FRMD6: variants seen among roughly 807,000 people sequenced by gnomAD.
The protein encoded by FRMD6 is FERM domain-containing protein 6.
A neutral mutation model predicts 73.2 loss-of-function variants in FRMD6; 37 were observed. The ratio of observed to expected loss-of-function variants is 0.51; its 90% confidence interval spans 0.39 to 0.66. The LOEUF (loss-of-function observed/expected upper bound fraction) is 0.66. FRMD6 is among the 30% of genes least tolerant of loss of function. The pLI is 0.00. For missense variants in FRMD6, 714 were observed against 780.5 expected (o/e 0.91, Z 1.02); for synonymous variants, 273 against 282.2 (o/e 0.97, Z 0.33).
the FRMD6 span, among the ~76,000 whole-genome samples, chr14:51,474,603 A>G: frequency 1.3e-5 from 2 of 152,188 alleles, no homozygotes; most frequent in African/African-American, 4.8e-5. Context: ...AGCTGGAGCC[A>G]AGGGAGAGAG....
intron 7 of FRMD6, among the ~76,000 whole-genome samples, chr14:51,710,358 TG>T (rs1263518005): frequency 6.6e-6 from 1 of 152,058 alleles, no homozygotes; most frequent in African/African-American, 2.4e-5. Flanking sequence ...GGGAACATTC[TG>T]GAAAAAAAAC....
chr14:51,710,042 G>A (rs1204054955), intron 7 of FRMD6, among the ~76,000 whole-genome samples: 1 of 152,120 alleles, frequency 6.6e-6, no homozygotes, highest in Non-Finnish European at 1.5e-5. Flanking sequence ...ATTTGCTGGG[G>A]AAGCTTGCTA....
At chr14:51,692,014 T>G (rs971788219) in intron 2 of FRMD6, among the ~76,000 whole-genome samples, 1 of 152,268 alleles carries the variant, frequency 6.6e-6, no homozygotes, top group Non-Finnish European at 1.5e-5. Context: ...TTCTGCTTAT[T>G]GCTATAGTCA....
At chr14:51,572,798 T>C (rs973818445) in intron 2 of FRMD6, among the ~76,000 whole-genome samples, 6 of 152,228 alleles carry the variant, frequency 3.9e-5, no homozygotes, top group African/African-American at 1.4e-4. Context: ...AAGGGAATCA[T>C]TTCAAAGAGC....
the FRMD6 span, chr14:51,454,624 C>G: frequency 6.6e-6 from 1 of 152,238 alleles, no homozygotes; most frequent in Non-Finnish European, 1.5e-5. Context: ...CCTCTAGTGC[C>G]TCTTCCAGCA....
chr14:51,465,506 A>G, the FRMD6 span, among the ~76,000 whole-genome samples: 13 of 152,240 alleles, frequency 8.5e-5, no homozygotes, highest in African/African-American at 3.1e-4. Flanking sequence ...TTTGCAATTT[A>G]TAGAATTCTA....
At chr14:51,437,544 C>A in the FRMD6 span, among the ~76,000 whole-genome samples, 1 of 152,180 alleles carries the variant, frequency 6.6e-6, no homozygotes. Flanking sequence ...ACTTGTGATC[C>A]GCCCGCCTCG....
At chr14:51,469,131 G>A in the FRMD6 span, among the ~76,000 whole-genome samples, 3 of 151,430 alleles carry the variant, frequency 2.0e-5, no homozygotes, top group Admixed American at 6.6e-5. Flanking sequence ...TAGTAGAGAC[G>A]GGGTTTCACC....
chr14:51,602,085 A>T (rs1890061954), intron 2 of FRMD6, among the ~76,000 whole-genome samples: 1 of 152,166 alleles, frequency 6.6e-6, no homozygotes, highest in Admixed American at 6.5e-5. Flanking sequence ...TTTTAAATGG[A>T]AATTCTCAAA....
intron 1 of FRMD6, among the ~76,000 whole-genome samples, chr14:51,664,318 G>A (rs1893424123): frequency 6.6e-6 from 1 of 152,132 alleles, no homozygotes; most frequent in Non-Finnish European, 1.5e-5. Flanking sequence ...ATGTGATTAA[G>A]CAATTTTCAT....
chr14:51,702,494 G>A lies in FRMD6; in HGVS notation c.295-18G>A. On this transcript the variant is annotated intron_variant, in intron 4 of 13. Coordinates refer to ENST00000344768, the MANE Select transcript of FRMD6 (RefSeq NM_001267046.2). Reference sequence around the variant, plus strand: ...TAACTAGAAATAGCTTGATTTTTGTGTGTGCTTTTGTTTCTAGGGTATCGA... The same window carrying A: ...TAACTAGAAATAGCTTGATTTTTGTATGTGCTTTTGTTTCTAGGGTATCGA... 6.2e-7 allele frequency: 1 copy of A among 1,604,920 alleles called. No individual in the cohort carries two copies. The highest frequency in any genetic ancestry group is 1.1e-5 in the South Asian group (1 of 90,268).
chr14:51,716,480 A>T (rs1032572483), intron 10 of FRMD6, among the ~76,000 whole-genome samples: 1 of 152,154 alleles, frequency 6.6e-6, no homozygotes, highest in South Asian at 2.1e-4. Flanking sequence ...ACAAGTTTTG[A>T]CACCTCAGAC....
chr14:51,456,433 A>G, the FRMD6 span, among the ~76,000 whole-genome samples: 1 of 152,160 alleles, frequency 6.6e-6, no homozygotes, highest in Non-Finnish European at 1.5e-5. Flanking sequence ...TAGTTTGCTG[A>G]GAATGATGGT....
intron 12 of FRMD6, 85 bp downstream of exon 12, chr14:51,722,165 A>AAAAACACAT: frequency 6.7e-7 from 1 of 1,482,482 alleles, no homozygotes. Flanking sequence ...AGAAGGGGTG[A>AAAAACACAT]GCTGGGGGCC....
chr14:51,630,638 T>G (rs1891300355), intron 2 of FRMD6, among the ~76,000 whole-genome samples: 1 of 151,962 alleles, frequency 6.6e-6, no homozygotes, highest in Non-Finnish European at 1.5e-5. Flanking sequence ...TCCCAGCTAC[T>G]TGGGAGGCTG....
At chr14:51,417,358 ATC>A in the FRMD6 span, among the ~76,000 whole-genome samples, 1 of 152,082 alleles carries the variant, frequency 6.6e-6, no homozygotes, top group Non-Finnish European at 1.5e-5. Flanking sequence ...TGGTGACAAA[ATC>A]TCTCAGCATT....
chr14:51,477,060 A>G, the FRMD6 span, among the ~76,000 whole-genome samples: 1 of 152,244 alleles, frequency 6.6e-6, no homozygotes. Flanking sequence ...TGAACAAAAT[A>G]CTAGAAACAA....
chr14:51,404,612 T>G, the FRMD6 span, among the ~76,000 whole-genome samples: 6 of 152,304 alleles, frequency 3.9e-5, no homozygotes, highest in African/African-American at 1.4e-4. Context: ...TTTGTTTTCC[T>G]TATGGATAAC....
chr14:51,445,349 G>A, the FRMD6 span, among the ~76,000 whole-genome samples: 3 of 152,140 alleles, frequency 2.0e-5, no homozygotes, highest in African/African-American at 7.2e-5. Flanking sequence ...TGTCATCAAA[G>A]CCAGTGGTTG....
Sources: gnomAD v4.1 joint callset for allele counts (sites outside exome capture counted in the v4.1 genomes callset) on GRCh38, gnomAD v4.1.1 for gene constraint, MANE v1.5 for transcripts, NCBI Gene and HGNC (gene_info 2026-07-23, HGNC 2026-07-21) for gene names.